Variants in ABTB3 observed in about 807,000 individuals in gnomAD.
The protein encoded by ABTB3 is ankyrin repeat- and BTB/POZ domain-containing protein 3.
the ABTB3 span, among the ~76,000 whole-genome samples, chr12:107,526,469 C>A: frequency 2.0e-5 from 3 of 152,102 alleles, no homozygotes; most frequent in Non-Finnish European, 2.9e-5. Flanking sequence ...GCCCTGGCTT[C>A]TCTCCCTTTA....
the ABTB3 span, among the ~76,000 whole-genome samples, chr12:107,523,981 C>A: frequency 6.6e-6 from 1 of 152,228 alleles, no homozygotes; most frequent in East Asian, 1.9e-4. Context: ...CAGCCTCCAG[C>A]ACCTGGACTG....
chr12:107,552,801 C>T, the ABTB3 span, among the ~76,000 whole-genome samples: 1 of 152,190 alleles, frequency 6.6e-6, no homozygotes, highest in East Asian at 1.9e-4. Flanking sequence ...CTAGCTACCT[C>T]CTTAAGTTCA....
At chr12:107,375,422 AATCATCATCATCATC>A in the ABTB3 span, among the ~76,000 whole-genome samples, 16 of 148,390 alleles carry the variant, frequency 1.1e-4, 1 homozygote, top group Admixed American at 4.7e-4. Flanking sequence ...TGGTGTCAGA[AATCATCATCATCATC>A]ATCATCATCA....
chr12:107,651,971 A>G, the ABTB3 span, among the ~76,000 whole-genome samples: 4 of 152,244 alleles, frequency 2.6e-5, no homozygotes, highest in African/African-American at 9.6e-5. Flanking sequence ...CCTCCCCTCC[A>G]GAACAAGGAA....
chr12:107,628,289 C>T, the ABTB3 span, among the ~76,000 whole-genome samples: 53 of 152,294 alleles, frequency 3.5e-4, no homozygotes, highest in Middle Eastern at 3.4e-3. Flanking sequence ...TAACAGGTGC[C>T]TGCCACCATG....
chr12:107,380,609 A>G, the ABTB3 span, among the ~76,000 whole-genome samples: 2 of 152,184 alleles, frequency 1.3e-5, no homozygotes, highest in African/African-American at 4.8e-5. Context: ...ACTGAACCCC[A>G]TGCCGAGTCA....
At chr12:107,358,900 A>G in the ABTB3 span, among the ~76,000 whole-genome samples, 2 of 152,224 alleles carry the variant, frequency 1.3e-5, no homozygotes, top group South Asian at 4.1e-4. Context: ...TCCACCGTCT[A>G]TTTTAAGGAG....
chr12:107,628,044 A>AC, the ABTB3 span, among the ~76,000 whole-genome samples: 2 of 152,080 alleles, frequency 1.3e-5, no homozygotes, highest in East Asian at 3.9e-4. Flanking sequence ...CCGGTAGCCC[A>AC]CCCTCCACCT....
At chr12:107,647,735 C>A in the ABTB3 span, among the ~76,000 whole-genome samples, 1 of 152,202 alleles carries the variant, frequency 6.6e-6, no homozygotes, top group Non-Finnish European at 1.5e-5. Context: ...CCTGCTAGGC[C>A]TGTTCTATGC....
chr12:107,496,942 A>C, the ABTB3 span, among the ~76,000 whole-genome samples: 9 of 152,140 alleles, frequency 5.9e-5, no homozygotes, highest in Admixed American at 3.9e-4. Flanking sequence ...TCTTTCTTTC[A>C]TTCTGTTCCA....
the ABTB3 span, among the ~76,000 whole-genome samples, chr12:107,596,725 A>C: frequency 2.4e-3 from 364 of 152,234 alleles, no homozygotes; most frequent in Admixed American, 4.3e-3. Context: ...TCCCCTCTGC[A>C]TCCAGGCCAA....
chr12:107,650,235 A>G, the ABTB3 span: 151,819 of 152,342 alleles, frequency 1, 75,651 homozygotes, highest in Middle Eastern at 1. Flanking sequence ...CAGCTTCCTT[A>G]CCCATAAAAT....
the ABTB3 span, among the ~76,000 whole-genome samples, chr12:107,524,161 A>C: frequency 6.6e-6 from 1 of 152,212 alleles, no homozygotes; most frequent in African/African-American, 2.4e-5. Flanking sequence ...TTTGCATGTG[A>C]GTTGTTGGCA....
chr12:107,618,338 G>T, the ABTB3 span: 1 of 1,613,622 alleles, frequency 6.2e-7, no homozygotes, highest in Non-Finnish European at 8.5e-7. Context: ...ACAGCGCTGA[G>T]CATGGCTACG....
chr12:107,322,310 C>T, the ABTB3 span, among the ~76,000 whole-genome samples: 1 of 152,136 alleles, frequency 6.6e-6, no homozygotes, highest in South Asian at 2.1e-4. Context: ...GCCCCTTCAG[C>T]CTCCTCTGGG....
At chr12:107,507,087 C>T in the ABTB3 span, among the ~76,000 whole-genome samples, 1 of 152,008 alleles carries the variant, frequency 6.6e-6, no homozygotes, top group Admixed American at 6.6e-5. Context: ...GTAAAGAGGC[C>T]AACTTCTGAT....
At chr12:107,640,630 G>A in the ABTB3 span, among the ~76,000 whole-genome samples, 1 of 152,210 alleles carries the variant, frequency 6.6e-6, no homozygotes, top group Non-Finnish European at 1.5e-5. Context: ...GCCGAGCTTT[G>A]GGAGCAGAAC....
chr12:107,590,816 T>C, the ABTB3 span, among the ~76,000 whole-genome samples: 1 of 152,208 alleles, frequency 6.6e-6, no homozygotes, highest in Admixed American at 6.5e-5. Context: ...GGATTTGGCT[T>C]CCTGGGAAAC....
the ABTB3 span, among the ~76,000 whole-genome samples, chr12:107,359,821 T>G: frequency 1.3e-5 from 2 of 152,216 alleles, no homozygotes; most frequent in Non-Finnish European, 2.9e-5. Context: ...TCCCTCAGTC[T>G]GAACCAAAGC....
Sources: allele counts gnomAD v4.1 joint callset (sites outside exome capture counted in the v4.1 genomes callset), GRCh38; gene constraint gnomAD v4.1.1; transcripts MANE v1.5; gene names NCBI Gene and HGNC (gene_info 2026-07-23, HGNC 2026-07-21).